Variants in MED1 observed in about 807,000 individuals in gnomAD.
MED1 encodes the protein mediator complex subunit 1.
In MED1, 17 loss-of-function variants were observed where a neutral mutation model predicts 121.3. That is an observed-to-expected ratio of 0.14 (90% confidence interval 0.10 to 0.21). The LOEUF (loss-of-function observed/expected upper bound fraction) is 0.21, where lower values mean the gene tolerates loss of function less well. Ranked by LOEUF, MED1 falls within the 10% of genes least tolerant of loss-of-function variation. The probability of loss-of-function intolerance (pLI) is 1.00; values close to 1 mark genes in which losing one functional copy is unlikely to be tolerated. For missense variants in MED1, 1,558 were observed against 1,919.4 expected, an observed-to-expected ratio of 0.81 and a Z score of 3.52; for synonymous variants, 661 against 694.4, an observed-to-expected ratio of 0.95 and a Z score of 0.76.
rs2048318704 is a variant in MED1, at chr17:39,407,918, G to A, written c.4303C>T (p.Leu1435Phe). The change falls in exon 17 of 17, where the codon CTC (leucine) becomes TTC (phenylalanine). Residue 1435 changes from leucine to phenylalanine, a missense_variant. Leu to Phe is a conservative substitution (Grantham distance 22, BLOSUM62 0). Coordinates refer to ENST00000300651, the MANE Select transcript of MED1 (RefSeq NM_004774.4). ...TGCTTTGGAGTGGAACCACTGATGA[G>A]TGGAGAGCCATAGTTTTTAGAAGAA... The part of the protein sequence containing the change: ...MASSKNYGSP[L>F]ISGSTPKHER... 1 of 1,614,030 alleles carries A rather than the reference G, an allele frequency of 6.2e-7. No individual in the cohort carries two copies. The highest frequency in any genetic ancestry group is 8.5e-7 in the Non-Finnish European group (1 of 1,180,048).
chr17:39,433,544 T>TAC (rs1381007068), intron 7 of MED1, among the ~76,000 whole-genome samples: 2 of 150,854 alleles, frequency 1.3e-5, no homozygotes, highest in Non-Finnish European at 2.9e-5. Context: ...TATATATATA[T>TAC]ATACACACAT....
Position 39,438,709 on chromosome 17 carries a change from T to C in MED1, c.428+456A>G, listed in dbSNP as rs187406017. Among the ~76,000 whole-genome samples, 53 of 151,536 alleles carry C rather than the reference T, an allele frequency of 3.5e-4. No homozygotes were observed. The East Asian group carries it at 9.3e-3, about 27-fold the overall frequency. Reference sequence around the variant, plus strand: ...GTCTGGTCTTGAACTCCTGACCTCATGGATCCACCTGCCTCAGCCTCCCAA... The same window carrying C: ...GTCTGGTCTTGAACTCCTGACCTCACGGATCCACCTGCCTCAGCCTCCCAA... On this transcript the variant is annotated intron_variant, in intron 6 of 16. Coordinates refer to ENST00000300651, the MANE Select transcript of MED1 (RefSeq NM_004774.4).
At chr17:39,446,967 A>G (rs2048734091) in intron 2 of MED1, among the ~76,000 whole-genome samples, 1 of 152,170 alleles carries the variant, frequency 6.6e-6, no homozygotes, top group South Asian at 2.1e-4. Flanking sequence ...TTCTACTAGT[A>G]CAGGCTGGGC....
Position 39,409,534 on chromosome 17 carries a change from T to C in MED1, c.2687A>G (p.Lys896Arg), listed in dbSNP as rs756767226. 6 of 1,614,082 alleles carry C rather than the reference T, an allele frequency of 3.7e-6. No individual in the cohort carries two copies. The highest frequency in any genetic ancestry group is 2.7e-5 in the African/African-American group (2 of 74,926). ...ATTTAGTGCCTGAGATGCAAATCCT[T>C]TGAAATCATCATTATCCCCACTTTG... ...SSQSGDNDDFKGFASQALNTL... is the reference protein window; with the variant it reads ...SSQSGDNDDFRGFASQALNTL... The change falls in exon 17 of 17, where the codon AAA (lysine) becomes AGA (arginine). Residue 896 changes from lysine to arginine, a missense_variant. Physicochemically the swap from Lys to Arg is conservative, Grantham distance 26 (BLOSUM62 2). This residue lies in a region of MED1 where 793 missense variants were observed against 898.2 expected (regional missense o/e 0.88). Coordinates refer to ENST00000300651, the MANE Select transcript of MED1 (RefSeq NM_004774.4).
Position 39,415,140 on chromosome 17 carries a change from C to CA in MED1, c.1394-10dup. The CA allele has an allele frequency of 6.2e-7, 1 of 1,613,250 alleles. No homozygotes were observed. The highest frequency in any genetic ancestry group is 8.5e-7 in the Non-Finnish European group (1 of 1,179,218). On this transcript the variant is annotated splice_polypyrimidine_tract_variant and intron_variant, in intron 15 of 16. Coordinates refer to ENST00000300651, the MANE Select transcript of MED1 (RefSeq NM_004774.4). Reference sequence around the variant, plus strand: ...CTGCACATCCATTACCACTGAAAGACAAAATACATAGGAAATTGTTTTAGA... The same window carrying CA: ...CTGCACATCCATTACCACTGAAAGACAAAAATACATAGGAAATTGTTTTAGA...
chr17:39,449,385 T>C (rs1386611160), intron 1 of MED1, among the ~76,000 whole-genome samples: 1 of 152,118 alleles, frequency 6.6e-6, no homozygotes, highest in East Asian at 1.9e-4. Flanking sequence ...TTTGCCAGGT[T>C]GTCTAGGCTG....
At chr17:39,446,188 C>T (rs1414364601) in intron 2 of MED1, among the ~76,000 whole-genome samples, 7 of 152,114 alleles carry the variant, frequency 4.6e-5, no homozygotes, top group East Asian at 1.9e-4. Context: ...GCAGTGGCTA[C>T]GCCTGTAATC....
chr17:39,435,862 C>T (rs1373707901), intron 6 of MED1, among the ~76,000 whole-genome samples: 6 of 151,984 alleles, frequency 3.9e-5, no homozygotes, highest in East Asian at 3.9e-4. Context: ...CCACCACACC[C>T]GGCTAATTTT....
chr17:39,419,917 G>C lies in MED1; in HGVS notation c.1097C>G (p.Ala366Gly). 1 of 1,613,570 alleles carries C rather than the reference G, an allele frequency of 6.2e-7. No individual in the cohort carries two copies. The highest frequency in any genetic ancestry group is 8.5e-7 in the Non-Finnish European group (1 of 1,179,616). ...ATAGCAGTGCTGCTGACCAGGAAGA[G>C]CCTGGGCAAAAAGAACAGTTAACGA... ...PLNHNMRFYA[A>G]LPGQQHCYFL... The change falls in exon 14 of 17, where the codon GCT (alanine) becomes GGT (glycine). Residue 366 changes from alanine to glycine, a missense_variant and splice_region_variant. Ala to Gly is a moderately conservative substitution (Grantham distance 60). Transcript: ENST00000300651.
At chr17:39,448,377 AAAAG>A (rs538783187) in intron 1 of MED1, among the ~76,000 whole-genome samples, 51 of 151,760 alleles carry the variant, frequency 3.4e-4, no homozygotes, top group Non-Finnish European at 5.4e-4. Flanking sequence ...CTCAAAAAAA[AAAAG>A]AAAGAAAAAA....
chr17:39,409,977 G>T lies in MED1; in HGVS notation c.2244C>A (p.Pro748=), dbSNP rs1318676369. 1 of 1,614,100 alleles carries T rather than the reference G, an allele frequency of 6.2e-7. No homozygotes were observed. The highest frequency in any genetic ancestry group is 1.1e-5 in the South Asian group (1 of 91,066). ...GTACTGGTTGTGGGTAAGTTGTTGG[G>T]GGAGTGCTACACTGGCTTGGAGCTG... ...ITPAPSQCST[P]PTTYPQPVPH... Residue 748 remains proline, a synonymous_variant, in exon 17 of 17, where the codon CCC becomes CCA. Coordinates refer to ENST00000300651, the MANE Select transcript of MED1 (RefSeq NM_004774.4).
intron 16 of MED1, among the ~76,000 whole-genome samples, chr17:39,411,085 C>A (rs1401048409): frequency 6.6e-6 from 1 of 152,110 alleles, no homozygotes; most frequent in East Asian, 1.9e-4. Context: ...CTTTGGGAGG[C>A]CAAGGCGGCT....
At chr17:39,445,840 C>T (rs1206228360) in intron 2 of MED1, among the ~76,000 whole-genome samples, 1 of 151,508 alleles carries the variant, frequency 6.6e-6, no homozygotes. Flanking sequence ...ACCAGCCTGG[C>T]TAACATGGTG....
intron 9 of MED1, among the ~76,000 whole-genome samples, chr17:39,430,161 G>C (rs2048552355): frequency 6.6e-6 from 1 of 152,134 alleles, no homozygotes; most frequent in Non-Finnish European, 1.5e-5. Flanking sequence ...GAGGAGGGAG[G>C]ATCACTTGAA....
Position 39,409,552 on chromosome 17 carries a change from C to A in MED1, c.2669G>T (p.Gly890Val). 1 of 1,614,146 alleles carries A rather than the reference C, an allele frequency of 6.2e-7. No individual in the cohort carries two copies. Among genetic ancestry groups the A allele is most frequent in the Non-Finnish European group, 8.5e-7 (1 of 1,180,024 alleles). ...EEYFDESSQS[G>V]DNDDFKGFAS... ...AAATCCTTTGAAATCATCATTATCC[C>A]CACTTTGGCTGCTTTCATCAAAATA... Residue 890 changes from glycine (G) to valine (V), a missense_variant, in exon 17 of 17, where the codon GGG (glycine) becomes GTG (valine). Physicochemically the swap from Gly to Val is moderately radical, Grantham distance 109. Coordinates refer to ENST00000300651, the MANE Select transcript of MED1 (RefSeq NM_004774.4).
intron 16 of MED1, among the ~76,000 whole-genome samples, chr17:39,412,414 G>A (rs1407066000): frequency 6.6e-6 from 1 of 150,470 alleles, no homozygotes; most frequent in Non-Finnish European, 1.5e-5. Flanking sequence ...TTTTAGTAGA[G>A]ACAGGGTTTC....
At chr17:39,423,844 G>A (rs765168485) in intron 11 of MED1, 23 bp from the exon 12 acceptor site, 8 of 1,587,758 alleles carry the variant, frequency 5.0e-6, no homozygotes, top group Admixed American at 1.9e-5. Context: ...GAGGGTGGAA[G>A]GGTTGGATTC....
Position 39,405,444 on chromosome 17 carries a change from T to C in MED1, c.*2031A>G. The stretch of plus-strand genomic sequence containing the variant: ...AGATTCTCCCCACTCAGAACAAATT[T>C]TAAAAACCACATAAATTTTTTTTTT... On this transcript the variant is annotated 3_prime_UTR_variant, in exon 17 of 17. Transcript: ENST00000300651. 1 of 1,393,314 alleles carries C rather than the reference T, an allele frequency of 7.2e-7. No individual in the cohort carries two copies. 86.3% of individuals were successfully genotyped at this position (1,393,314 alleles called of 1,614,324 possible). A position where few individuals can be genotyped will look rare whatever the true frequency, so the allele number is the denominator to read the frequency against.
In MED1 at chr17:39,432,405, T is replaced by C. The variant is rs189361231; in HGVS notation, c.501-389A>G. Among the ~76,000 whole-genome samples, 112 of 143,320 alleles carry C rather than the reference T, an allele frequency of 7.8e-4. 1 individual carries two copies. The South Asian group carries it at 0.024, about 30-fold the overall frequency. 94.0% of individuals were successfully genotyped at this position (143,320 alleles called of 152,430 possible). A position where few individuals can be genotyped will look rare whatever the true frequency, so the allele number is the denominator to read the frequency against. On this transcript the variant is annotated intron_variant, in intron 7 of 16. Coordinates refer to ENST00000300651, the MANE Select transcript of MED1 (RefSeq NM_004774.4). ...ATACATACAGACACAAACAGTGACA[T>C]AGAAGGCCTAAAGAGCAAGTCTAAA...
Sources: gnomAD v4.1 joint callset for allele counts (sites outside exome capture counted in the v4.1 genomes callset) on GRCh38, gnomAD v4.1.1 for gene constraint, gnomAD v4.1.1 regional missense constraint, MANE v1.5 for transcripts, NCBI Gene and HGNC (gene_info 2026-07-23, HGNC 2026-07-21) for gene names.